SPPL3: variants seen among roughly 807,000 people sequenced by gnomAD.
SPPL3 encodes the protein signal peptide peptidase-like 3.
Under a neutral mutation model 42.4 loss-of-function variants are expected in SPPL3, and 5 were observed. The observed-to-expected ratio is 0.12, with a 90% CI of 0.06 to 0.25. The LOEUF (loss-of-function observed/expected upper bound fraction) is 0.25, where lower values mean the gene tolerates loss of function less well. Among genes scored for constraint, SPPL3 ranks in the 10% least tolerant of loss-of-function variants. The pLI is 1.00. For missense variants in SPPL3, 235 were observed against 489.0 expected, an observed-to-expected ratio of 0.48 and a Z score of 4.90; for synonymous variants, 195 against 181.8, an observed-to-expected ratio of 1.07 and a Z score of -0.58.
intron 1 of SPPL3, among the ~76,000 whole-genome samples, chr12:120,884,458 A>C (rs749793912): frequency 6.6e-6 from 1 of 152,076 alleles, no homozygotes; most frequent in Non-Finnish European, 1.5e-5. Context: ...ATGTTACCAT[A>C]AATTTTCTAA....
intron 2 of SPPL3, among the ~76,000 whole-genome samples, chr12:120,796,094 G>C (rs145445581): frequency 5.3e-5 from 8 of 152,024 alleles, no homozygotes; most frequent in Admixed American, 6.5e-5. Context: ...TCTCCATGTT[G>C]GCCAGGCACA....
At chr12:120,792,348 CT>C (rs5801403) in intron 2 of SPPL3, among the ~76,000 whole-genome samples, 134,624 of 151,890 alleles carry the variant, frequency 0.89, 59,897 homozygotes, top group Middle Eastern at 0.98. Context: ...TCATTTCTTT[CT>C]TTTTTTTTGT....
intron 3 of SPPL3, among the ~76,000 whole-genome samples, chr12:120,789,006 T>A (rs1420377777): frequency 6.6e-6 from 1 of 152,240 alleles, no homozygotes; most frequent in Non-Finnish European, 1.5e-5. Flanking sequence ...TCGGCCGTCT[T>A]TGTAATGGCT....
intron 1 of SPPL3, among the ~76,000 whole-genome samples, chr12:120,855,270 T>G (rs182967499): frequency 9.2e-5 from 14 of 152,310 alleles, no homozygotes; most frequent in Admixed American, 5.2e-4. Context: ...TTTCCTGGCA[T>G]TTTCCAACTA....
intron 1 of SPPL3, among the ~76,000 whole-genome samples, chr12:120,851,571 A>G (rs1463767913): frequency 6.6e-6 from 1 of 152,080 alleles, no homozygotes; most frequent in African/African-American, 2.4e-5. Context: ...TTAGAATCAG[A>G]TGGGACACTG....
intron 2 of SPPL3, among the ~76,000 whole-genome samples, chr12:120,800,584 T>TC (rs1305180942): frequency 6.6e-6 from 1 of 152,142 alleles, no homozygotes; most frequent in Non-Finnish European, 1.5e-5. Flanking sequence ...TATGGCTTTT[T>TC]CATCACAGAC....
chr12:120,843,733 G>A (rs551669515), intron 1 of SPPL3, among the ~76,000 whole-genome samples: 9 of 152,198 alleles, frequency 5.9e-5, no homozygotes, highest in African/African-American at 1.9e-4. Flanking sequence ...TGGGTGGATC[G>A]CTTGAGGTCA....
chr12:120,848,553 GC>G (rs2137031991), intron 1 of SPPL3, among the ~76,000 whole-genome samples: 1 of 152,280 alleles, frequency 6.6e-6, no homozygotes, highest in East Asian at 1.9e-4. Flanking sequence ...CCCAGAAAGT[GC>G]TAGTCTATCT....
chr12:120,897,992 C>T (rs1873860498), intron 1 of SPPL3, among the ~76,000 whole-genome samples: 2 of 152,030 alleles, frequency 1.3e-5, no homozygotes, highest in Admixed American at 1.3e-4. Context: ...CAATATAATA[C>T]AGCCCTGAGA....
intron 1 of SPPL3, among the ~76,000 whole-genome samples, chr12:120,836,474 T>A (rs1871624323): frequency 6.6e-6 from 1 of 152,066 alleles, no homozygotes; most frequent in Admixed American, 6.6e-5. Context: ...GCTCTATGCA[T>A]GTGAATGAGA....
intron 1 of SPPL3, among the ~76,000 whole-genome samples, chr12:120,880,826 AGGGATTGATATCC>A (rs1446968570): frequency 3.3e-5 from 5 of 151,886 alleles, no homozygotes; most frequent in Non-Finnish European, 5.9e-5. Context: ...ATAACTGATA[AGGGATTGATATCC>A]AGAATATACT....
intron 6 of SPPL3, among the ~76,000 whole-genome samples, chr12:120,775,837 T>C (rs1244872382): frequency 6.6e-6 from 1 of 152,136 alleles, no homozygotes; most frequent in Non-Finnish European, 1.5e-5. Context: ...CTGAAAATAA[T>C]TTATTATCCT....
At chr12:120,775,499 TA>T (rs1404387498) in intron 6 of SPPL3, among the ~76,000 whole-genome samples, 1 of 152,160 alleles carries the variant, frequency 6.6e-6, no homozygotes, top group Admixed American at 6.5e-5. Flanking sequence ...TTTCTGGCCC[TA>T]AACATGTTCT....
At chr12:120,829,727 G>A (rs1181444694) in intron 1 of SPPL3, among the ~76,000 whole-genome samples, 1 of 152,094 alleles carries the variant, frequency 6.6e-6, no homozygotes, top group Non-Finnish European at 1.5e-5. Context: ...GGGTGTGGTG[G>A]CTCACACCTG....
At chr12:120,869,502 C>T (rs767318419) in intron 1 of SPPL3, among the ~76,000 whole-genome samples, 8 of 152,218 alleles carry the variant, frequency 5.3e-5, no homozygotes, top group Non-Finnish European at 8.8e-5. Flanking sequence ...GACCTAAACC[C>T]TGTCCATTAA....
chr12:120,872,227 T>C (rs1872955109), intron 1 of SPPL3, among the ~76,000 whole-genome samples: 2 of 152,312 alleles, frequency 1.3e-5, no homozygotes, highest in Admixed American at 1.3e-4. Context: ...GCTGACTATA[T>C]TAACAAAATT....
chr12:120,847,636 G>C (rs968875922), intron 1 of SPPL3, among the ~76,000 whole-genome samples: 1 of 151,498 alleles, frequency 6.6e-6, no homozygotes, highest in Non-Finnish European at 1.5e-5. Context: ...TCACTCTCTT[G>C]CCCAGGACGG....
chr12:120,890,062 ATGGAGAAACCCTGTCTCTAC>A (rs1873587253), intron 1 of SPPL3, among the ~76,000 whole-genome samples: 1 of 151,410 alleles, frequency 6.6e-6, no homozygotes, highest in Admixed American at 6.6e-5. Flanking sequence ...ACTGACCAAC[ATGGAGAAACCCTGTCTCTAC>A]TGAAAATACA....
chr12:120,885,503 C>T (rs1873424052), intron 1 of SPPL3, among the ~76,000 whole-genome samples: 1 of 152,164 alleles, frequency 6.6e-6, no homozygotes, highest in Admixed American at 6.5e-5. Context: ...CATGTGAGTA[C>T]CACTTAGAAT....
Sources: gnomAD v4.1 joint callset for allele counts (sites outside exome capture counted in the v4.1 genomes callset) on GRCh38, gnomAD v4.1.1 for gene constraint, MANE v1.5 for transcripts, NCBI Gene and HGNC (gene_info 2026-07-23, HGNC 2026-07-21) for gene names.